Variants in DPPA2 observed in about 807,000 individuals in gnomAD.
DPPA2 encodes developmental pluripotency-associated protein 2.
DPPA2 carries 26 observed loss-of-function variants against 36.2 expected under a neutral mutation model. The ratio of observed to expected loss-of-function variants is 0.72; its 90% CI spans 0.53 to 1.00. DPPA2 has a LOEUF of 1.00. Ranked by LOEUF, DPPA2 falls within the 50% of genes least tolerant of loss-of-function variation. The pLI, the probability that DPPA2 is intolerant of heterozygous loss-of-function variation, is 0.00. For missense variants in DPPA2, 361 were observed against 365.1 expected (o/e 0.99, Z 0.09); for synonymous variants, 113 against 123.2 (o/e 0.92, Z 0.55).
Position 109,308,080 on chromosome 3 carries a change from A to C in DPPA2, c.610T>G (p.Ser204Ala). The C allele has an allele frequency of 1.2e-6, 2 of 1,614,228 alleles. No homozygotes were observed. The highest frequency in any genetic ancestry group is 2.2e-5 in the South Asian group (2 of 91,084). The stretch of plus-strand genomic sequence containing the variant: ...TCAACAGAAACAGGAATGGAACATG[A>C]ATTCAAAGCCTTAGGCTGAACAGCT... The part of the protein sequence containing the change: ...ARAVQPKALN[S>A]CSIPVSVEAF... The change falls in exon 6 of 9, where the codon TCA (serine) becomes GCA (alanine). Residue 204 changes from serine to alanine, a missense_variant. Coordinates refer to ENST00000478945, the MANE Select transcript of DPPA2 (RefSeq NM_138815.4).
chr3:109,300,303 TGA>T lies in DPPA2; in HGVS notation c.*22+66_*22+67del, dbSNP rs559303942. On this transcript the variant is annotated intron_variant, in intron 8 of 8. Coordinates refer to ENST00000478945, the MANE Select transcript of DPPA2 (RefSeq NM_138815.4). ...GAAGGCAGAGAGTTTCTCTTGTATG[TGA>T]CTCTTTTCAATTGCCTTCAAATCAA... 2.6e-4 allele frequency: 335 copies of T among 1,289,252 alleles called. 1 individual carries two copies. The highest frequency in any genetic ancestry group is 1.1e-3 in the South Asian group (90 of 82,852). The allele number at this position is 1,289,252 out of a possible 1,614,324, so 79.9% of individuals were successfully genotyped here.
chr3:109,316,444 C>G lies in DPPA2; in HGVS notation c.-174G>C, dbSNP rs1295630553. The G allele has an allele frequency of 6.6e-6, 1 of 152,502 alleles. No homozygotes were observed. The highest frequency in any genetic ancestry group is 1.5e-5 in the Non-Finnish European group (1 of 68,338). The allele number at this position is 152,502 out of a possible 1,614,324, so 9.4% of individuals were successfully genotyped here. On this transcript the variant is annotated 5_prime_UTR_variant, in exon 1 of 9. Coordinates refer to ENST00000478945, the MANE Select transcript of DPPA2 (RefSeq NM_138815.4). ...GGGACTACAGGCCTGCACCGCCACG[C>G]CCAGCCCTCCGGACGATTCTTAAGC...
In DPPA2 at chr3:109,314,802, C is replaced by T. The variant is rs549516690; in HGVS notation, c.-13-247G>A. ...ATTAGGCTGGGTGCGATGGCTCATG[C>T]CTGTAATCCCAGCACTTTGGGAGGC... On this transcript the variant is annotated intron_variant, in intron 1 of 8. Coordinates refer to ENST00000478945, the MANE Select transcript of DPPA2 (RefSeq NM_138815.4). Among the ~76,000 whole-genome samples, 255 of 152,284 alleles carry T rather than the reference C, an allele frequency of 1.7e-3. 3 individuals carry two copies. In the Middle Eastern group the frequency reaches 0.021, roughly 12 times the overall value.
At chr3:109,298,959 T>C (rs1707408354) in intron 8 of DPPA2, among the ~76,000 whole-genome samples, 1 of 151,972 alleles carries the variant, frequency 6.6e-6, no homozygotes, top group African/African-American at 2.4e-5. Flanking sequence ...GGTGAGAGGA[T>C]GGCTTGAACA....
chr3:109,296,673 T>C (rs1707356878), intron 8 of DPPA2, among the ~76,000 whole-genome samples: 1 of 123,366 alleles, frequency 8.1e-6, no homozygotes, highest in Non-Finnish European at 1.7e-5. Context: ...AAAAACTCTG[T>C]CTCAAAAAAA....
chr3:109,311,889 A>G lies in DPPA2; in HGVS notation c.181+656T>C, dbSNP rs553755025. ...TAAGCAAAATACCAGATGTTTTCCAAAATTATTTAATCTTCGTAGGAGGCA... is the reference window on the plus strand; with the variant it reads ...TAAGCAAAATACCAGATGTTTTCCAGAATTATTTAATCTTCGTAGGAGGCA... On this transcript the variant is annotated intron_variant, in intron 3 of 8. Coordinates refer to ENST00000478945, the MANE Select transcript of DPPA2 (RefSeq NM_138815.4). Among the ~76,000 whole-genome samples, 9 of 152,354 alleles carry G rather than the reference A, an allele frequency of 5.9e-5. No individual in the cohort carries two copies. In the South Asian group the frequency reaches 1.9e-3, roughly 32 times the overall value.
chr3:109,299,587 G>T (rs1453900143), intron 8 of DPPA2, among the ~76,000 whole-genome samples: 1 of 151,448 alleles, frequency 6.6e-6, no homozygotes, highest in East Asian at 1.9e-4. Flanking sequence ...TTGGGAGGCG[G>T]AGGCAGGCGA....
intron 7 of DPPA2, among the ~76,000 whole-genome samples, chr3:109,302,209 G>A (rs1431015457): frequency 1.3e-5 from 2 of 152,162 alleles, no homozygotes; most frequent in African/African-American, 4.8e-5. Context: ...TCCCAAAGAT[G>A]TTTAGCTCTA....
chr3:109,313,260 C>G (rs559455623), intron 2 of DPPA2, among the ~76,000 whole-genome samples: 3 of 152,178 alleles, frequency 2.0e-5, no homozygotes, highest in African/African-American at 7.2e-5. Flanking sequence ...CTTACAAATT[C>G]TCCAACAGTC....
intron 7 of DPPA2, among the ~76,000 whole-genome samples, chr3:109,303,679 T>C (rs1707499407): frequency 6.6e-6 from 1 of 151,998 alleles, no homozygotes; most frequent in South Asian, 2.1e-4. Flanking sequence ...TTCTTACTCA[T>C]TTTTAGTTGA....
chr3:109,311,050 C>A (rs556352166), intron 3 of DPPA2, among the ~76,000 whole-genome samples: 20 of 152,308 alleles, frequency 1.3e-4, no homozygotes, highest in African/African-American at 4.6e-4. Context: ...GATCAGCCCT[C>A]CTTGGCCTCC....
intron 8 of DPPA2, among the ~76,000 whole-genome samples, chr3:109,299,204 CA>C (rs35767226): frequency 0.17 from 22,498 of 130,900 alleles, 2,106 homozygotes; most frequent in African/African-American, 0.29. Context: ...CTAAACATAC[CA>C]AAAAAAAAAA....
rs762708835 is a variant in DPPA2, at chr3:109,309,296, A to C, written c.216T>G (p.Ala72=). The stretch of plus-strand genomic sequence containing the variant: ...GTATTTTGCATCTAGCTTTTTGTGG[A>C]GCTGTAAATTGCTCATTTGTTTGAA... ...HLLQTNEQFT[A]PQKARCKIPA... The change falls in exon 4 of 9, where the codon GCT becomes GCG. Residue 72 remains alanine (A), a synonymous_variant. Coordinates refer to ENST00000478945, the MANE Select transcript of DPPA2 (RefSeq NM_138815.4). 6.2e-7 allele frequency: 1 copy of C among 1,613,984 alleles called. No homozygotes were observed. The highest frequency in any genetic ancestry group is 8.5e-7 in the Non-Finnish European group (1 of 1,179,988).
intron 8 of DPPA2, among the ~76,000 whole-genome samples, chr3:109,298,150 G>A (rs1015943688): frequency 6.6e-6 from 1 of 152,104 alleles, no homozygotes; most frequent in African/African-American, 2.4e-5. Context: ...ATGAATTGGT[G>A]CAACACAAGG....
chr3:109,315,545 T>C (rs1576826593), intron 1 of DPPA2, among the ~76,000 whole-genome samples: 2 of 152,158 alleles, frequency 1.3e-5, no homozygotes, highest in Admixed American at 6.6e-5. Context: ...GGTGTTCTCA[T>C]AGGTCACTCT....
chr3:109,312,384 G>T (rs1707726096), intron 3 of DPPA2, among the ~76,000 whole-genome samples, 161 bp downstream of exon 3: 1 of 152,146 alleles, frequency 6.6e-6, no homozygotes, highest in South Asian at 2.1e-4. Flanking sequence ...GGCTTAGCAA[G>T]CGAGAAGTAT....
At chr3:109,308,763 T>G (rs888651103) in intron 5 of DPPA2, among the ~76,000 whole-genome samples, 6 of 152,156 alleles carry the variant, frequency 3.9e-5, no homozygotes, top group Non-Finnish European at 5.9e-5. Flanking sequence ...TGGGAGAAAT[T>G]TTGGGTTGTT....
intron 8 of DPPA2, among the ~76,000 whole-genome samples, chr3:109,296,463 T>C (rs1302115461): frequency 6.6e-6 from 1 of 152,066 alleles, no homozygotes; most frequent in Admixed American, 6.6e-5. Context: ...TCACCTGAGG[T>C]CAGAAGTTTG....
intron 2 of DPPA2, among the ~76,000 whole-genome samples, chr3:109,313,655 C>G (rs1707744814): frequency 6.6e-6 from 1 of 152,118 alleles, no homozygotes; most frequent in South Asian, 2.1e-4. Context: ...GAGTATGGTT[C>G]TGAAGTTAGC....
Sources: allele counts gnomAD v4.1 joint callset (sites outside exome capture counted in the v4.1 genomes callset), GRCh38; gene constraint gnomAD v4.1.1; transcripts MANE v1.5; gene names NCBI Gene and HGNC (gene_info 2026-07-23, HGNC 2026-07-21).